NDRG3: variants seen among roughly 807,000 people sequenced by gnomAD.
NDRG3 encodes protein NDRG3.
Under a neutral mutation model 57.2 loss-of-function variants are expected in NDRG3, and 23 were observed. The ratio of observed to expected loss-of-function variants is 0.40; its 90% CI spans 0.29 to 0.57. The LOEUF is 0.57. Ranked by LOEUF, NDRG3 falls within the 20% of genes least tolerant of loss-of-function variation. NDRG3 has a pLI of 0.42. For missense variants in NDRG3, 384 were observed against 457.3 expected, an observed-to-expected ratio of 0.84 and a Z score of 1.46; for synonymous variants, 132 against 162.6, an observed-to-expected ratio of 0.81 and a Z score of 1.43.
At chr20:36,738,695 C>T (rs1304044907) in intron 1 of NDRG3, among the ~76,000 whole-genome samples, 2 of 149,500 alleles carry the variant, frequency 1.3e-5, no homozygotes, top group Admixed American at 6.7e-5. Flanking sequence ...TGGTGGCATG[C>T]ACCTGTAATC....
intron 2 of NDRG3, among the ~76,000 whole-genome samples, chr20:36,718,359 G>C (rs565957385): frequency 6.6e-5 from 10 of 152,276 alleles, no homozygotes; most frequent in African/African-American, 2.4e-4. Context: ...TTACGTCTCA[G>C]GGAGAGAAAG....
At chr20:36,655,248 G>A (rs1217510043) in intron 15 of NDRG3, among the ~76,000 whole-genome samples, 2 of 152,236 alleles carry the variant, frequency 1.3e-5, no homozygotes, top group Non-Finnish European at 2.9e-5. Context: ...TACATGGTCT[G>A]CCTGGCAGGT....
chr20:36,711,802 G>A (rs952058908), intron 2 of NDRG3, among the ~76,000 whole-genome samples: 3 of 152,100 alleles, frequency 2.0e-5, no homozygotes, highest in African/African-American at 4.8e-5. Flanking sequence ...TTTTTGAGAC[G>A]GAGTCTCGCT....
At chr20:36,666,531 T>C in intron 9 of NDRG3, 139 bp from the exon 10 acceptor site, 1 of 645,798 alleles carries the variant, frequency 1.5e-6, no homozygotes, top group Admixed American at 2.5e-5. Context: ...GGACTACTGA[T>C]GTACTGGTAG....
chr20:36,704,624 C>T (rs2148164428), intron 3 of NDRG3, among the ~76,000 whole-genome samples: 1 of 152,224 alleles, frequency 6.6e-6, no homozygotes, highest in South Asian at 2.1e-4. Context: ...AAAAACAATC[C>T]AACCCAAACT....
intron 2 of NDRG3, among the ~76,000 whole-genome samples, chr20:36,719,674 C>T (rs193005801): frequency 5.9e-5 from 9 of 151,798 alleles, no homozygotes; most frequent in African/African-American, 2.2e-4. Context: ...CACACCCCCC[C>T]TCCCCGCCCC....
chr20:36,737,804 GCGCAGTGGCTGA>G (rs1985682966), intron 1 of NDRG3, among the ~76,000 whole-genome samples: 1 of 152,148 alleles, frequency 6.6e-6, no homozygotes, highest in East Asian at 1.9e-4. Context: ...AATTGGCTGG[GCGCAGTGGCTGA>G]TACCTGTAAT....
In NDRG3 at chr20:36,746,004, G is replaced by C. The variant is rs1020756952; in HGVS notation, c.-49+41C>G. On this transcript the variant is annotated intron_variant, in intron 1 of 15. Transcript: ENST00000349004. Reference sequence around the variant, plus strand: ...AAGGAGCGACGCCCCCGAATGCGGCGCCGCGCGCCCCCCGCGGGCCGGGCG... The same window carrying C: ...AAGGAGCGACGCCCCCGAATGCGGCCCCGCGCGCCCCCCGCGGGCCGGGCG... 6.4e-6 allele frequency: 2 copies of C among 310,110 alleles called. 1 individual carries two copies. Among genetic ancestry groups the C allele is most frequent in the Middle Eastern group, 1.8e-3 (2 of 1,094 alleles). 19.2% of individuals were successfully genotyped at this position (310,110 alleles called of 1,614,324 possible).
chr20:36,743,653 A>C (rs1476476641), intron 1 of NDRG3, among the ~76,000 whole-genome samples: 1 of 151,306 alleles, frequency 6.6e-6, no homozygotes, highest in Non-Finnish European at 1.5e-5. Flanking sequence ...TCTCTACTAA[A>C]AAAATACAAA....
intron 1 of NDRG3, among the ~76,000 whole-genome samples, chr20:36,733,146 C>CAAAAAAAAA (rs141850127): frequency 2.6e-5 from 1 of 38,974 alleles, no homozygotes; most frequent in African/African-American, 9.2e-5. Flanking sequence ...GATCCTGTCT[C>CAAAAAAAAA]AAAAAAAAAA....
chr20:36,719,342 G>A (rs953468146), intron 2 of NDRG3, among the ~76,000 whole-genome samples: 1 of 150,364 alleles, frequency 6.7e-6, no homozygotes, highest in African/African-American at 2.5e-5. Context: ...CAGGAGAATC[G>A]CTTGAACCCG....
chr20:36,689,893 T>C (rs1239429802), intron 3 of NDRG3, among the ~76,000 whole-genome samples: 7 of 151,972 alleles, frequency 4.6e-5, no homozygotes. Context: ...GCTAATTTTT[T>C]GTATTTTTAG....
At chr20:36,696,288 G>T (rs1287543482) in intron 3 of NDRG3, among the ~76,000 whole-genome samples, 4 of 152,002 alleles carry the variant, frequency 2.6e-5, no homozygotes, top group East Asian at 1.9e-4. Context: ...TAGAGATGGG[G>T]TTTCACCATG....
At chr20:36,672,104 C>G (rs1980226229) in intron 8 of NDRG3, among the ~76,000 whole-genome samples, 1 of 152,146 alleles carries the variant, frequency 6.6e-6, no homozygotes, top group African/African-American at 2.4e-5. Flanking sequence ...GAGACAAAAA[C>G]AATTTTTTTC....
rs60977337 is a variant in NDRG3, at chr20:36,722,322, C to T, written c.-48-539G>A. On this transcript the variant is annotated intron_variant, in intron 1 of 15. Transcript: ENST00000349004. ...GCTGAGTGTCAGAGAAGAAGCTGAC[C>T]GACACCTTGATCGCCATGTTGCAGA... Among the ~76,000 whole-genome samples, 1,247 of 152,184 alleles carry T rather than the reference C, an allele frequency of 8.2e-3. 15 individuals carry two copies. The highest frequency in any genetic ancestry group is 0.028 in the African/African-American group (1,165 of 41,514).
At chr20:36,728,269 G>C (rs1171184243) in intron 1 of NDRG3, among the ~76,000 whole-genome samples, 1 of 151,940 alleles carries the variant, frequency 6.6e-6, no homozygotes, top group Non-Finnish European at 1.5e-5. Context: ...AACCAGGATG[G>C]TCTCGATCTC....
At chr20:36,657,560 T>G (rs983718915) in intron 13 of NDRG3, among the ~76,000 whole-genome samples, 1 of 151,842 alleles carries the variant, frequency 6.6e-6, no homozygotes, top group African/African-American at 2.4e-5. Flanking sequence ...CAGAAAAGCG[T>G]TTTTAGGGCA....
chr20:36,680,544 A>G (rs952599222), intron 8 of NDRG3, among the ~76,000 whole-genome samples: 4 of 152,158 alleles, frequency 2.6e-5, no homozygotes, highest in African/African-American at 7.2e-5. Context: ...ACTGTTTAAA[A>G]ACAGATAAAA....
intron 5 of NDRG3, among the ~76,000 whole-genome samples, chr20:36,685,456 G>A (rs1981699779): frequency 6.6e-6 from 1 of 152,010 alleles, no homozygotes; most frequent in Non-Finnish European, 1.5e-5. Context: ...GACTACAGGC[G>A]CATGCCACCA....
Sources: allele counts gnomAD v4.1 joint callset (sites outside exome capture counted in the v4.1 genomes callset), GRCh38; gene constraint gnomAD v4.1.1; transcripts MANE v1.5; gene names NCBI Gene and HGNC (gene_info 2026-07-23, HGNC 2026-07-21).